The following GALNT18 variants were observed in gnomAD, a reference collection of about 807,000 sequenced individuals.
GALNT18 encodes the protein GalNAc-transferase 18.
Under a neutral mutation model 69.5 loss-of-function variants are expected in GALNT18, and 44 were observed. The ratio of observed to expected loss-of-function variants is 0.63; its 90% CI spans 0.50 to 0.81. The LOEUF (loss-of-function observed/expected upper bound fraction) is 0.81. Ranked by LOEUF, GALNT18 falls within the 40% of genes least tolerant of loss-of-function variation. GALNT18 has a pLI of 0.00. For synonymous variants in GALNT18, 364 were observed against 318.2 expected (o/e 1.14, Z -1.53); for missense variants, 715 against 810.0 (o/e 0.88, Z 1.42).
chr11:11,527,751 AG>A (rs1025742663), intron 1 of GALNT18, among the ~76,000 whole-genome samples: 7 of 152,354 alleles, frequency 4.6e-5, no homozygotes, highest in African/African-American at 1.7e-4. Context: ...AGCCCATCAA[AG>A]CCAGGCATCT....
chr11:11,302,360 T>C (rs4300388), intron 9 of GALNT18, among the ~76,000 whole-genome samples: 71,609 of 151,944 alleles, frequency 0.47, 17,200 homozygotes, highest in Middle Eastern at 0.57. Flanking sequence ...CTGCAGCCTC[T>C]GGGTGTGTCT....
In GALNT18 at chr11:11,372,703, A is replaced by G. The variant is rs953046218; in HGVS notation, c.978-74T>C. 44 of 1,117,864 alleles carry G rather than the reference A, an allele frequency of 3.9e-5. 2 individuals carry two copies. The South Asian group carries it at 5.2e-4, about 13-fold the overall frequency. 69.2% of individuals were successfully genotyped at this position (1,117,864 alleles called of 1,614,324 possible). A position where few individuals can be genotyped will look rare whatever the true frequency, so the allele number is the denominator to read the frequency against. ...GGAGTAAGAGCAGTAAGGCCTTCCTATCAGGAGGGTCTGGTTCTCTTCCTT... is the reference window on the plus strand; with the variant it reads ...GGAGTAAGAGCAGTAAGGCCTTCCTGTCAGGAGGGTCTGGTTCTCTTCCTT... On this transcript the variant is annotated intron_variant, in intron 5 of 10. Coordinates refer to ENST00000227756, the MANE Select transcript of GALNT18 (RefSeq NM_198516.3). The surrounding 1 kb of genome is among the most constrained non-coding windows in gnomAD (Gnocchi z 4.9).
Position 11,372,394 on chromosome 11 carries a change from C to T in GALNT18, c.1092+121G>A, listed in dbSNP as rs1165012188. 7 of 740,192 alleles carry T rather than the reference C, an allele frequency of 9.5e-6. No individual in the cohort carries two copies. Among genetic ancestry groups the T allele is most frequent in the Non-Finnish European group, 1.6e-5 (7 of 431,028 alleles). The allele number at this position is 740,192 out of a possible 1,614,324, so 45.9% of individuals were successfully genotyped here. A position where few individuals can be genotyped will look rare whatever the true frequency, so the allele number is the denominator to read the frequency against. Reference sequence around the variant, plus strand: ...CCCAATCCCAATCACACACAGGATTCAGGACTGGACATTCAGAATCAGTCT... The same window carrying T: ...CCCAATCCCAATCACACACAGGATTTAGGACTGGACATTCAGAATCAGTCT... On this transcript the variant is annotated intron_variant, in intron 6 of 10. Coordinates refer to ENST00000227756, the MANE Select transcript of GALNT18 (RefSeq NM_198516.3). The surrounding 1 kb of genome is among the most constrained non-coding windows in gnomAD (Gnocchi z 4.9).
rs1174850430 is a variant in GALNT18 at position 11,421,919 on chromosome 11, C to G, written c.595+10702G>C. ...AGACAGCACAGACTTTATTTTAGCC[C>G]CTACGTGCCCCTGGCCTGGGTGCCC... On this transcript the variant is annotated intron_variant, in intron 3 of 10. Transcript: ENST00000227756. The surrounding 1 kb of genome is among the most constrained non-coding windows in gnomAD (Gnocchi z 5.6). Among the ~76,000 whole-genome samples the G allele has an allele frequency of 6.6e-6, 1 of 152,208 alleles. No homozygotes were observed. Among genetic ancestry groups the G allele is most frequent in the East Asian group, 1.9e-4 (1 of 5,198 alleles).
rs1849822904 is a variant in GALNT18 at position 11,320,365 on chromosome 11, A to G, written c.1512+6721T>C. ...CACAACCTGCACAATGGCATGTGAC[A>G]GTTCCATCCGTGCATACACGACCTT... On this transcript the variant is annotated intron_variant, in intron 9 of 10. Coordinates refer to ENST00000227756, the MANE Select transcript of GALNT18 (RefSeq NM_198516.3). This position sits in a 1 kb window ranked among gnomAD's most constrained non-coding sequence, Gnocchi z 4.9. 6.6e-6 allele frequency among the ~76,000 whole-genome samples: 1 copy of G among 152,222 alleles called. No homozygotes were observed. The highest frequency in any genetic ancestry group is 2.1e-4 in the South Asian group (1 of 4,828).
chr11:11,527,581 G>A (rs1857549841), intron 1 of GALNT18, among the ~76,000 whole-genome samples: 1 of 151,246 alleles, frequency 6.6e-6, no homozygotes, highest in Admixed American at 6.6e-5. Flanking sequence ...ATGAGCAATG[G>A]CCCATGAAAT....
intron 1 of GALNT18, among the ~76,000 whole-genome samples, chr11:11,514,455 G>C (rs761459993): frequency 5.9e-5 from 9 of 152,164 alleles, no homozygotes; most frequent in Non-Finnish European, 1.3e-4. Flanking sequence ...TTGTGGCCAA[G>C]GGTCACCAAT....
chr11:11,428,780 CAATAA>C (rs982566512), intron 3 of GALNT18, among the ~76,000 whole-genome samples: 3 of 152,104 alleles, frequency 2.0e-5, no homozygotes, highest in African/African-American at 7.2e-5. Flanking sequence ...AACTAGAACA[CAATAA>C]AATACAATAG....
At chr11:11,446,083 G>A (rs541864657) in intron 2 of GALNT18, among the ~76,000 whole-genome samples, 3 of 152,218 alleles carry the variant, frequency 2.0e-5, no homozygotes, top group Admixed American at 6.5e-5. Context: ...GCCACGATCC[G>A]GCATCTGAGA....
intron 10 of GALNT18, among the ~76,000 whole-genome samples, chr11:11,287,929 T>A (rs548682357): frequency 6.6e-6 from 1 of 152,292 alleles, no homozygotes; most frequent in East Asian, 1.9e-4. Context: ...TGTAATAACC[T>A]GCTGAAATGT....
At chr11:11,427,436 G>C (rs78643275) in intron 3 of GALNT18, among the ~76,000 whole-genome samples, 3 of 152,164 alleles carry the variant, frequency 2.0e-5, no homozygotes, top group African/African-American at 7.2e-5. Context: ...CAGCATGCAC[G>C]GAACCAGTAA....
At chr11:11,512,319 C>T (rs1857181799) in intron 1 of GALNT18, among the ~76,000 whole-genome samples, 1 of 152,200 alleles carries the variant, frequency 6.6e-6, no homozygotes, top group Admixed American at 6.5e-5. Context: ...CCCCATCTCA[C>T]AGCTGTCAGA....
rs776477328 is a variant in GALNT18 at position 11,347,032 on chromosome 11, T to C, written c.1093-6028A>G. On this transcript the variant is annotated intron_variant, in intron 6 of 10. Coordinates refer to ENST00000227756, the MANE Select transcript of GALNT18 (RefSeq NM_198516.3). The surrounding 1 kb of genome is among the most constrained non-coding windows in gnomAD (Gnocchi z 4.0). ...GCATGTAGTGGGTTCTCAGGGAGGC[T>C]CAGATCACTTTCTTATCCCAGGCTG... Among the ~76,000 whole-genome samples, 1 of 152,128 alleles carries C rather than the reference T, an allele frequency of 6.6e-6. No homozygotes were observed. The highest frequency in any genetic ancestry group is 1.5e-5 in the Non-Finnish European group (1 of 68,022).
intron 3 of GALNT18, among the ~76,000 whole-genome samples, chr11:11,420,186 G>A (rs558750519): frequency 1.8e-4 from 27 of 151,556 alleles, no homozygotes; most frequent in Middle Eastern, 6.9e-3. Context: ...CAGTCACCAC[G>A]GGAGAGAGCA....
chr11:11,325,820 C>A (rs1849907097), intron 9 of GALNT18, among the ~76,000 whole-genome samples: 1 of 152,066 alleles, frequency 6.6e-6, no homozygotes, highest in African/African-American at 2.4e-5. Context: ...GATTTGCTGG[C>A]CTGCAATTAA....
intron 3 of GALNT18, among the ~76,000 whole-genome samples, chr11:11,426,213 C>T (rs1259919078): frequency 6.6e-6 from 1 of 152,206 alleles, no homozygotes; most frequent in East Asian, 1.9e-4. Flanking sequence ...GGAAAAGAAA[C>T]TTACCTTCTC....
chr11:11,582,285 A>G lies in GALNT18; in HGVS notation c.235+39074T>C, dbSNP rs1040797428. The stretch of plus-strand genomic sequence containing the variant: ...GAGAGGCTTCAGAGAGTGGAGGGAG[A>G]AAAGGGCAGGGAGCTGGGCATGGCC... On this transcript the variant is annotated intron_variant, in intron 1 of 10. Transcript: ENST00000227756. The surrounding 1 kb of genome is among the most constrained non-coding windows in gnomAD (Gnocchi z 5.0). Among the ~76,000 whole-genome samples, 16 of 152,294 alleles carry G rather than the reference A, an allele frequency of 1.1e-4. No individual in the cohort carries two copies. The highest frequency in any genetic ancestry group is 3.4e-4 in the African/African-American group (14 of 41,572).
intron 10 of GALNT18, among the ~76,000 whole-genome samples, chr11:11,285,416 C>T (rs1386997622): frequency 6.6e-6 from 1 of 152,104 alleles, no homozygotes; most frequent in Non-Finnish European, 1.5e-5. Flanking sequence ...TAGTAAACAC[C>T]ATATAAATGT....
At chr11:11,323,694 C>G (rs1849873360) in intron 9 of GALNT18, among the ~76,000 whole-genome samples, 1 of 152,212 alleles carries the variant, frequency 6.6e-6, no homozygotes, top group South Asian at 2.1e-4. Context: ...GCTCTATGGT[C>G]CCTATGGTCC....
Sources: gnomAD v4.1 joint callset for allele counts (sites outside exome capture counted in the v4.1 genomes callset) on GRCh38, gnomAD v4.1.1 for gene constraint, Gnocchi (gnomAD v3.1) non-coding constraint, MANE v1.5 for transcripts, NCBI Gene and HGNC (gene_info 2026-07-23, HGNC 2026-07-21) for gene names.